GIGYF2: variants seen among roughly 807,000 people sequenced by gnomAD.
GIGYF2 encodes the protein GRB10-interacting GYF protein 2.
A neutral mutation model predicts 208.1 loss-of-function variants in GIGYF2; 25 were observed. That is an observed-to-expected ratio of 0.12 (90% CI 0.09 to 0.17). The LOEUF (loss-of-function observed/expected upper bound fraction) is 0.17, where lower values mean the gene tolerates loss of function less well. GIGYF2 is among the 10% of genes least tolerant of loss of function. GIGYF2 has a pLI of 1.00. For missense variants in GIGYF2, 1,302 were observed against 1,579.4 expected, an observed-to-expected ratio of 0.82 and a Z score of 2.98; for synonymous variants, 534 against 543.8, an observed-to-expected ratio of 0.98 and a Z score of 0.25.
intron 8 of GIGYF2, among the ~76,000 whole-genome samples, chr2:232,784,581 G>C (rs567341298): frequency 7.2e-6 from 1 of 139,452 alleles, no homozygotes; most frequent in African/African-American, 2.6e-5. Context: ...TAGTAGAGAT[G>C]GGGTTTCATC....
intron 20 of GIGYF2, 48 bp from the exon 21 acceptor site, chr2:232,819,779 A>G (rs1701020592): frequency 3.8e-6 from 2 of 530,108 alleles, no homozygotes; most frequent in Admixed American, 2.7e-5. Flanking sequence ...ATTGAATGAT[A>G]GACCTGAGTC....
chr2:232,796,543 T>G (rs903034953), intron 14 of GIGYF2, among the ~76,000 whole-genome samples: 1 of 152,214 alleles, frequency 6.6e-6, no homozygotes, highest in African/African-American at 2.4e-5. Flanking sequence ...ATTTTTGTAT[T>G]AGAGATAGTC....
At chr2:232,765,174 T>TA (rs1322549499) in intron 8 of GIGYF2, 1 of 152,224 alleles carries the variant, frequency 6.6e-6, no homozygotes, top group Non-Finnish European at 1.5e-5. Context: ...TCTGAGCTTT[T>TA]ACTTTTTGGA....
At chr2:232,795,487 A>C (rs1700197247) in intron 13 of GIGYF2, among the ~76,000 whole-genome samples, 1 of 152,198 alleles carries the variant, frequency 6.6e-6, no homozygotes, top group Admixed American at 6.5e-5. Context: ...TGTCTTAGTA[A>C]AACTTGTAAA....
At chr2:232,751,485 G>C (rs1698336647) in intron 5 of GIGYF2, among the ~76,000 whole-genome samples, 1 of 152,094 alleles carries the variant, frequency 6.6e-6, no homozygotes. Context: ...CCGAAGTTCT[G>C]GGATTACAGG....
At chr2:232,780,458 GA>G (rs148910566) in intron 8 of GIGYF2, among the ~76,000 whole-genome samples, 1 of 152,064 alleles carries the variant, frequency 6.6e-6, no homozygotes, top group Admixed American at 6.6e-5. Context: ...ATATTGAATG[GA>G]AAAAAATACA....
chr2:232,720,581 A>ATTTTT (rs1331036864), intron 2 of GIGYF2, among the ~76,000 whole-genome samples: 2,810 of 117,574 alleles, frequency 0.024, 50 homozygotes, highest in South Asian at 0.11. Flanking sequence ...ATATATATAT[A>ATTTTT]TATTTTTGTT....
chr2:232,801,296 A>G (rs989618961), intron 14 of GIGYF2, among the ~76,000 whole-genome samples: 3 of 152,044 alleles, frequency 2.0e-5, no homozygotes, highest in Admixed American at 6.6e-5. Context: ...TGGGAGTCTG[A>G]GGCGGGAGGA....
intron 8 of GIGYF2, chr2:232,766,103 C>A: frequency 2.4e-6 from 1 of 419,074 alleles, no homozygotes; most frequent in Non-Finnish European, 5.0e-6. Context: ...AAAACCTAAT[C>A]CTTAACCTAG....
chr2:232,749,635 T>G (rs1287180280), intron 5 of GIGYF2, among the ~76,000 whole-genome samples: 4 of 152,060 alleles, frequency 2.6e-5, no homozygotes. Context: ...TAAAAGAGTT[T>G]CTGATTTCAA....
At chr2:232,788,666 A>G (rs775456638) in intron 9 of GIGYF2, 30 of 422,254 alleles carry the variant, frequency 7.1e-5, no homozygotes, top group Non-Finnish European at 1.3e-4. Context: ...GGAGTTTAAC[A>G]AAGTACCTCC....
At chr2:232,749,976 G>A (rs1434441668) in intron 5 of GIGYF2, among the ~76,000 whole-genome samples, 1 of 152,070 alleles carries the variant, frequency 6.6e-6, no homozygotes, top group Non-Finnish European at 1.5e-5. Flanking sequence ...CCTGAGGTCA[G>A]GAGTTCGAGA....
chr2:232,788,647 C>T (rs990979211), intron 9 of GIGYF2: 6 of 460,834 alleles, frequency 1.3e-5, no homozygotes, highest in African/African-American at 1.0e-4. Flanking sequence ...GATGTTGATT[C>T]TATTAAAGGG....
chr2:232,762,529 G>A lies in GIGYF2; in HGVS notation c.532+1093G>A, dbSNP rs142008642. 1.7e-3 allele frequency among the ~76,000 whole-genome samples: 255 copies of A among 152,104 alleles called. 2 individuals carry two copies. The East Asian group carries it at 0.027, about 16-fold the overall frequency. The stretch of plus-strand genomic sequence containing the variant: ...GCCTCCCAAAATGCTGGAATTACAG[G>A]CATGAGCCACTGTACCGGGCAGTGG... On this transcript the variant is annotated intron_variant, in intron 8 of 28. Coordinates refer to ENST00000373563, the MANE Select transcript of GIGYF2 (RefSeq NM_001103146.3).
intron 14 of GIGYF2, among the ~76,000 whole-genome samples, chr2:232,797,363 A>C (rs1442916657): frequency 6.6e-6 from 1 of 152,018 alleles, no homozygotes; most frequent in Non-Finnish European, 1.5e-5. Flanking sequence ...CTCTCCAATG[A>C]ATTAACTCCC....
At chr2:232,796,734 C>G (rs1700233505) in intron 14 of GIGYF2, among the ~76,000 whole-genome samples, 1 of 152,132 alleles carries the variant, frequency 6.6e-6, no homozygotes, top group Admixed American at 6.5e-5. Flanking sequence ...GTGGCAGGTG[C>G]CTGTAATCCC....
chr2:232,780,220 A>G (rs1403257575), intron 8 of GIGYF2, among the ~76,000 whole-genome samples: 2 of 152,200 alleles, frequency 1.3e-5, no homozygotes, highest in Non-Finnish European at 2.9e-5. Context: ...CTTTCTCCTT[A>G]GGAAGTCCAC....
chr2:232,844,025 GC>G lies in GIGYF2; in HGVS notation c.2890-20del, dbSNP rs1344299995. The G allele has an allele frequency of 6.8e-6, 11 of 1,609,220 alleles. No homozygotes were observed. The highest frequency in any genetic ancestry group is 1.3e-5 in the African/African-American group (1 of 74,816). On this transcript the variant is annotated intron_variant, in intron 23 of 28. Transcript: ENST00000373563. ...ATCTAAAAACAGGAATCCTCAGCTA[GC>G]TTCTGTTTTTATGCAACAGCAAAGG... is the stretch of plus-strand genomic sequence containing the variant.
chr2:232,710,565 G>C (rs1184394727), intron 2 of GIGYF2, among the ~76,000 whole-genome samples: 1 of 152,194 alleles, frequency 6.6e-6, no homozygotes, highest in Non-Finnish European at 1.5e-5. Flanking sequence ...AGCCCAGTGA[G>C]AGAGGCAGTC....
Sources: gnomAD v4.1 joint callset for allele counts (sites outside exome capture counted in the v4.1 genomes callset) on GRCh38, gnomAD v4.1.1 for gene constraint, MANE v1.5 for transcripts, NCBI Gene and HGNC (gene_info 2026-07-23, HGNC 2026-07-21) for gene names.